MTMR14: variants seen among roughly 807,000 people sequenced by gnomAD.
The protein encoded by MTMR14 is myotubularin related protein 14.
MTMR14 carries 48 observed loss-of-function variants against 86.3 expected under a neutral mutation model. That is an observed-to-expected ratio of 0.56 (90% CI 0.44 to 0.71). MTMR14 has a LOEUF of 0.71. Among genes scored for constraint, MTMR14 ranks in the 30% least tolerant of loss-of-function variants. The probability of loss-of-function intolerance (pLI) is 0.00; values close to 1 mark genes in which losing one functional copy is unlikely to be tolerated. For synonymous variants in MTMR14, 366 were observed against 326.1 expected (o/e 1.12, Z -1.32); for missense variants, 780 against 834.6 (o/e 0.93, Z 0.81).
chr3:9,653,860 A>G, intron 2 of MTMR14, 91 bp downstream of exon 2: 1 of 1,540,070 alleles, frequency 6.5e-7, no homozygotes, highest in Non-Finnish European at 9.0e-7. Context: ...GCAGGGCAGA[A>G]TCACTTTCCC....
intron 7 of MTMR14, among the ~76,000 whole-genome samples, chr3:9,674,584 T>TC (rs1170702858): frequency 4.0e-5 from 6 of 151,848 alleles, no homozygotes; most frequent in Non-Finnish European, 5.9e-5. Flanking sequence ...GCCCAGGAGT[T>TC]CAAGACCAGC....
At position 9,689,065 on chromosome 3, in the gene MTMR14, G is replaced by A. The variant is rs368549479; in HGVS notation, c.1416G>A (p.Ala472=). The part of the protein sequence containing the change: ...YEAVELVPAG[A]PTQAAWRKSH... ...CCGTGGAGCTGGTCCCAGCAGGAGC[G>A]CCAACTCAGGCAGCTTGGTAAGGGG... Residue 472 remains alanine, a synonymous_variant, in exon 16 of 19, where the codon GCG becomes GCA. Coordinates refer to ENST00000296003, the MANE Select transcript of MTMR14 (RefSeq NM_001077525.3). 49 of 1,612,202 alleles carry A rather than the reference G, an allele frequency of 3.0e-5. No homozygotes were observed. The South Asian group carries it at 4.8e-4, about 16-fold the overall frequency.
At position 9,687,893 on chromosome 3, in the gene MTMR14, T is replaced by C. The variant is rs1250167032; in HGVS notation, c.1235+2T>C. 2.5e-6 allele frequency: 4 copies of C among 1,585,696 alleles called. No individual in the cohort carries two copies. Among genetic ancestry groups the C allele is most frequent in the Non-Finnish European group, 3.4e-6 (4 of 1,163,728 alleles). On this transcript the variant is annotated splice_donor_variant, in intron 14 of 18. Coordinates refer to ENST00000296003, the MANE Select transcript of MTMR14 (RefSeq NM_001077525.3). LOFTEE classifies it high-confidence loss of function. Reference sequence around the variant, plus strand: ...GTTCTCTGCTCTGAAGACCCAGAGGTAAGTGGAGGCCTGCACGTGTCATGC... The same window carrying C: ...GTTCTCTGCTCTGAAGACCCAGAGGCAAGTGGAGGCCTGCACGTGTCATGC...
intron 3 of MTMR14, among the ~76,000 whole-genome samples, chr3:9,666,252 G>A (rs1372509436): frequency 6.6e-6 from 1 of 150,410 alleles, no homozygotes; most frequent in Admixed American, 6.7e-5. Context: ...TTGTGCCTCA[G>A]CCTCCCAACT....
intron 9 of MTMR14, among the ~76,000 whole-genome samples, chr3:9,679,859 G>T (rs1165668124): frequency 1.3e-5 from 2 of 152,202 alleles, no homozygotes; most frequent in Non-Finnish European, 2.9e-5. Context: ...CAGCAGGGCT[G>T]GAGTGTAGCA....
At chr3:9,666,975 G>A (rs918064070) in intron 3 of MTMR14, among the ~76,000 whole-genome samples, 1 of 152,222 alleles carries the variant, frequency 6.6e-6, no homozygotes, top group African/African-American at 2.4e-5. Flanking sequence ...CCCACTTGGG[G>A]ACTTGGCCAA....
chr3:9,688,920 A>C (rs777080009), intron 15 of MTMR14, 24 bp from the exon 16 acceptor site: 1 of 1,613,522 alleles, frequency 6.2e-7, no homozygotes, highest in African/African-American at 1.3e-5. Flanking sequence ...TAACACGCTG[A>C]CTGATGGCAC....
chr3:9,663,403 C>T (rs972007267), intron 3 of MTMR14, among the ~76,000 whole-genome samples: 1 of 150,096 alleles, frequency 6.7e-6, no homozygotes, highest in African/African-American at 2.4e-5. Context: ...GAAGTTAGGT[C>T]CTAGAAATTG....
chr3:9,671,168 GAAGT>G lies in MTMR14; in HGVS notation c.677+4_677+7del, dbSNP rs770897804. 1.2e-6 allele frequency: 2 copies of G among 1,614,210 alleles called. No individual in the cohort carries two copies. Among genetic ancestry groups the G allele is most frequent in the South Asian group, 2.2e-5 (2 of 91,080 alleles). ...AGAACAAGAAGGTGAAGTTTGGCAT[GAAGT>G]AAGTACAGGCGCCCACTACAAAATG... On this transcript the variant is annotated splice_donor_variant and coding_sequence_variant, in exon 6 of 19. Coordinates refer to ENST00000296003, the MANE Select transcript of MTMR14 (RefSeq NM_001077525.3). LOFTEE classifies it high-confidence loss of function.
At chr3:9,685,568 C>T (rs2075915593) in intron 13 of MTMR14, among the ~76,000 whole-genome samples, 1 of 152,188 alleles carries the variant, frequency 6.6e-6, no homozygotes, top group South Asian at 2.1e-4. Context: ...GAACCCCATC[C>T]TCTAAGGCCT....
At position 9,653,670 on chromosome 3, in the gene MTMR14, G is replaced by A. The variant is rs775525979; in HGVS notation, c.209G>A (p.Cys70Tyr). 6.2e-7 allele frequency: 1 copy of A among 1,614,160 alleles called. No homozygotes were observed. Among genetic ancestry groups the A allele is most frequent in the Non-Finnish European group, 8.5e-7 (1 of 1,180,038 alleles). The change falls in exon 2 of 19, where the codon TGT (cysteine) becomes TAT (tyrosine). Residue 70 changes from cysteine (C) to tyrosine (Y), a missense_variant. Cys to Tyr is a radical substitution (Grantham distance 194, BLOSUM62 -2). Coordinates refer to ENST00000296003, the MANE Select transcript of MTMR14 (RefSeq NM_001077525.3). ...RCLELFGRDY[C>Y]FSVIPNTNGD... ...CTGGAGCTGTTTGGCCGAGACTACTGTTTCAGCGTGATTCCAAACACGAAT... is the reference window on the plus strand; with the variant it reads ...CTGGAGCTGTTTGGCCGAGACTACTATTTCAGCGTGATTCCAAACACGAAT...
intron 10 of MTMR14, 41 bp downstream of exon 10, chr3:9,683,285 T>G: frequency 6.3e-7 from 1 of 1,579,134 alleles, no homozygotes; most frequent in Non-Finnish European, 8.7e-7. Context: ...CACTGCACCC[T>G]TGGGGAGTTC....
chr3:9,659,638 T>G (rs1370060014), intron 2 of MTMR14: 1 of 452,210 alleles, frequency 2.2e-6, no homozygotes, highest in East Asian at 7.0e-5. Context: ...TAGACGGGGT[T>G]TCACCATGTT....
At chr3:9,693,010 T>C (rs750097792) in intron 17 of MTMR14, among the ~76,000 whole-genome samples, 19 of 152,246 alleles carry the variant, frequency 1.2e-4, no homozygotes, top group Non-Finnish European at 2.5e-4. Context: ...CATTTTCTTA[T>C]CTGTGTAATC....
intron 9 of MTMR14, among the ~76,000 whole-genome samples, chr3:9,680,234 T>A (rs1362305942): frequency 6.6e-6 from 1 of 152,086 alleles, no homozygotes. Flanking sequence ...CATCACCAGC[T>A]CCCATCGGTT....
At chr3:9,685,301 G>C (rs770924336) in intron 13 of MTMR14, 54 bp downstream of exon 13, 43 of 1,605,856 alleles carry the variant, frequency 2.7e-5, no homozygotes, top group Non-Finnish European at 3.5e-5. Context: ...AAGAGGGGCA[G>C]TGGGTAGCCT....
chr3:9,656,410 ATTAGGTAAGCTTAGTTTCT>A (rs991511451), intron 2 of MTMR14, among the ~76,000 whole-genome samples: 1 of 150,454 alleles, frequency 6.6e-6, no homozygotes, highest in African/African-American at 2.5e-5. Context: ...TCCTTCCAGA[ATTAGGTAAGCTTAGTTTCT>A]TTTTTTTTTT....
At chr3:9,679,677 C>T (rs2075695694) in intron 9 of MTMR14, among the ~76,000 whole-genome samples, 1 of 152,212 alleles carries the variant, frequency 6.6e-6, no homozygotes, top group Non-Finnish European at 1.5e-5. Context: ...TCACTTCCCC[C>T]TGAAAATGGT....
chr3:9,650,482 C>A (rs2047216089), intron 1 of MTMR14: 2 of 429,838 alleles, frequency 4.7e-6, no homozygotes, highest in South Asian at 3.2e-5. Context: ...CAGTGGAATT[C>A]TGTTCCATCC....
Sources: gnomAD v4.1 joint callset for allele counts (sites outside exome capture counted in the v4.1 genomes callset) on GRCh38, gnomAD v4.1.1 for gene constraint, MANE v1.5 for transcripts, NCBI Gene and HGNC (gene_info 2026-07-23, HGNC 2026-07-21) for gene names.